CCDC171: variants seen among roughly 807,000 people sequenced by gnomAD.
The protein encoded by CCDC171 is coiled-coil domain containing 171, also known as coiled-coil domain-containing protein 171.
CCDC171 carries 177 observed loss-of-function variants against 168.2 expected under a neutral mutation model. The observed-to-expected ratio is 1.05, with a 90% CI of 0.93 to 1.19. CCDC171 has a LOEUF of 1.19. CCDC171 is among the 50% of genes most tolerant of loss of function. CCDC171 has a pLI of 0.00. For missense variants in CCDC171, 1,991 were observed against 1,539.0 expected (o/e 1.29, Z -4.91); for synonymous variants, 687 against 540.8 (o/e 1.27, Z -3.75).
chr9:15,824,333 A>G (rs566013220), intron 21 of CCDC171, among the ~76,000 whole-genome samples: 2 of 152,076 alleles, frequency 1.3e-5, no homozygotes, highest in South Asian at 2.1e-4. Flanking sequence ...ACATTTACAT[A>G]TGTATTAATT....
intron 21 of CCDC171, among the ~76,000 whole-genome samples, chr9:15,823,146 A>G (rs9406538): frequency 1 from 151,753 of 152,192 alleles, 75,659 homozygotes; most frequent in Middle Eastern, 1. Flanking sequence ...GAGAACACAT[A>G]GACACAGGAA....
At chr9:15,743,138 C>CTTTTTTTTTTT (rs66642691) in intron 16 of CCDC171, among the ~76,000 whole-genome samples, 6 of 73,262 alleles carry the variant, frequency 8.2e-5, no homozygotes, top group African/African-American at 1.7e-4. Context: ...CTGTTACCTT[C>CTTTTTTTTTTT]TTTTTTTTTT....
intron 21 of CCDC171, among the ~76,000 whole-genome samples, chr9:15,838,354 T>C (rs781479550): frequency 6.6e-6 from 1 of 152,192 alleles, no homozygotes; most frequent in African/African-American, 2.4e-5. Context: ...TTAAATGAGC[T>C]ATGATGATAT....
At chr9:15,606,529 T>G (rs912516524) in intron 6 of CCDC171, among the ~76,000 whole-genome samples, 12 of 152,180 alleles carry the variant, frequency 7.9e-5, no homozygotes, top group Non-Finnish European at 7.3e-5. Flanking sequence ...TTTCAGGAGA[T>G]AATAATGTAA....
chr9:15,818,197 G>A lies in CCDC171; in HGVS notation c.3268-28505G>A, dbSNP rs1039908372. Among the ~76,000 whole-genome samples, 8 of 116,394 alleles carry A rather than the reference G, an allele frequency of 6.9e-5. 2 individuals are homozygous for A. Among genetic ancestry groups the A allele is most frequent in the Admixed American group, 8.1e-5 (1 of 12,328 alleles). The allele number at this position is 116,394 out of a possible 152,430, so 76.4% of individuals were successfully genotyped here. ...ATGCACACCAAAACCCCATCTGTAC[G>A]TCACCATCATCAAAGACCAAAGGTA... is the stretch of plus-strand genomic sequence containing the variant. On this transcript the variant is annotated intron_variant, in intron 21 of 25. Coordinates refer to ENST00000380701, the MANE Select transcript of CCDC171 (RefSeq NM_173550.4).
intron 18 of CCDC171, among the ~76,000 whole-genome samples, chr9:15,765,906 C>T (rs2056695890): frequency 6.6e-6 from 1 of 152,032 alleles, no homozygotes; most frequent in East Asian, 1.9e-4. Context: ...TGACGGCTTT[C>T]TTATTTATTT....
intron 25 of CCDC171, among the ~76,000 whole-genome samples, chr9:15,948,744 T>C (rs1828729076): frequency 6.6e-6 from 1 of 151,458 alleles, no homozygotes; most frequent in Non-Finnish European, 1.5e-5. Context: ...ATGAGTAGGT[T>C]GCGAAGATTT....
At chr9:15,650,575 G>A (rs1314887118) in intron 7 of CCDC171, among the ~76,000 whole-genome samples, 1 of 151,954 alleles carries the variant, frequency 6.6e-6, no homozygotes, top group African/African-American at 2.4e-5. Flanking sequence ...ATTTTGAGTT[G>A]TCCTTTTATC....
intron 21 of CCDC171, among the ~76,000 whole-genome samples, chr9:15,813,795 T>C (rs944967171): frequency 5.9e-5 from 9 of 152,224 alleles, no homozygotes; most frequent in African/African-American, 2.2e-4. Flanking sequence ...TAGGTTTTTG[T>C]CAATTTTTAA....
At chr9:15,925,790 T>C (rs1158748206) in intron 25 of CCDC171, among the ~76,000 whole-genome samples, 1 of 151,642 alleles carries the variant, frequency 6.6e-6, no homozygotes, top group African/African-American at 2.4e-5. Flanking sequence ...CTGACATAGA[T>C]GGTTTGAGCA....
intron 3 of CCDC171, among the ~76,000 whole-genome samples, chr9:15,573,143 G>C (rs1408109592): frequency 6.6e-6 from 1 of 152,132 alleles, no homozygotes; most frequent in Non-Finnish European, 1.5e-5. Context: ...CTGGGCAACA[G>C]AGGAGAGTAT....
chr9:16,065,809 G>GGTGTGT (rs113107786), downstream of CCDC171, among the ~76,000 whole-genome samples: 1,454 of 144,304 alleles, frequency 0.01, 22 homozygotes, highest in African/African-American at 0.029. Context: ...TTGTGTGCAT[G>GGTGTGT]GTGTGTGTGT....
At chr9:15,566,076 G>T (rs961787394) in intron 2 of CCDC171, among the ~76,000 whole-genome samples, 2 of 152,078 alleles carry the variant, frequency 1.3e-5, no homozygotes, top group Non-Finnish European at 2.9e-5. Flanking sequence ...TGTTATTGTG[G>T]TTATAATTTG....
chr9:15,894,865 A>G lies in CCDC171; in HGVS notation c.3600+20202A>G, dbSNP rs76156188. The stretch of plus-strand genomic sequence containing the variant: ...GACGTAATATGTTTGGCTGTTATCT[A>G]TTTGTCACCAAAATGTAAGATCCAA... On this transcript the variant is annotated intron_variant, in intron 24 of 25. Transcript: ENST00000380701. Among the ~76,000 whole-genome samples the G allele has an allele frequency of 2.0e-3, 311 of 152,144 alleles. 2 individuals carry two copies. Among genetic ancestry groups the G allele is most frequent in the African/African-American group, 6.9e-3 (288 of 41,514 alleles).
chr9:15,556,411 G>A (rs2038802040), intron 1 of CCDC171, among the ~76,000 whole-genome samples: 1 of 152,116 alleles, frequency 6.6e-6, no homozygotes, highest in Non-Finnish European at 1.5e-5. Context: ...GTTGTTTCCT[G>A]ACTTTTTAAT....
At chr9:15,565,389 G>A (rs1472807293) in intron 2 of CCDC171, among the ~76,000 whole-genome samples, 3 of 151,916 alleles carry the variant, frequency 2.0e-5, no homozygotes, top group African/African-American at 7.3e-5. Flanking sequence ...TTGTTATGTT[G>A]CCCAGGCTGT....
chr9:15,638,771 A>G (rs1032826424), intron 7 of CCDC171, among the ~76,000 whole-genome samples: 2 of 151,994 alleles, frequency 1.3e-5, no homozygotes, highest in African/African-American at 4.8e-5. Flanking sequence ...TTAAAAAAAA[A>G]CAAACAAACT....
At chr9:16,016,392 GAGGC>G (rs1442393603) in intron 3 of CCDC171, among the ~76,000 whole-genome samples, 1 of 152,096 alleles carries the variant, frequency 6.6e-6, no homozygotes, top group Non-Finnish European at 1.5e-5. Flanking sequence ...GCTTCGCTCA[GAGGC>G]AGGTGCCCAA....
At chr9:15,607,093 A>G (rs1384315075) in intron 6 of CCDC171, among the ~76,000 whole-genome samples, 1 of 152,170 alleles carries the variant, frequency 6.6e-6, no homozygotes, top group Non-Finnish European at 1.5e-5. Context: ...ATTGGATGAT[A>G]TTGATAAAGC....
Sources: allele counts gnomAD v4.1 joint callset (sites outside exome capture counted in the v4.1 genomes callset), GRCh38; gene constraint gnomAD v4.1.1; transcripts MANE v1.5; gene names NCBI Gene and HGNC (gene_info 2026-07-23, HGNC 2026-07-21).